Variants in MAP2K5 observed in about 807,000 individuals in gnomAD.
MAP2K5 encodes the protein mitogen-activated protein kinase kinase 5, also known as dual specificity mitogen-activated protein kinase kinase 5.
In MAP2K5, 49 loss-of-function variants were observed where a neutral mutation model predicts 83.1. The ratio of observed to expected loss-of-function variants is 0.59; its 90% CI spans 0.47 to 0.75. The LOEUF (loss-of-function observed/expected upper bound fraction) is 0.75, where lower values mean the gene tolerates loss of function less well. Among genes scored for constraint, MAP2K5 ranks in the 30% least tolerant of loss-of-function variants. The probability of loss-of-function intolerance (pLI) is 0.00; values close to 1 mark genes in which losing one functional copy is unlikely to be tolerated. For synonymous variants in MAP2K5, 202 were observed against 191.8 expected (o/e 1.05, Z -0.44); for missense variants, 457 against 557.5 (o/e 0.82, Z 1.82).
chr15:67,714,668 T>C (rs902594972), intron 16 of MAP2K5, among the ~76,000 whole-genome samples: 2 of 152,166 alleles, frequency 1.3e-5, no homozygotes, highest in Non-Finnish European at 1.5e-5. Flanking sequence ...TTTAAATATT[T>C]AGTTTCAAGA....
chr15:67,756,835 G>A (rs2089848640), intron 19 of MAP2K5, among the ~76,000 whole-genome samples: 1 of 152,002 alleles, frequency 6.6e-6, no homozygotes, highest in Non-Finnish European at 1.5e-5. Context: ...TCATCTGTCT[G>A]AACCTTCAGG....
Position 67,572,331 on chromosome 15 carries a change from C to G in MAP2K5, c.253-8423C>G, listed in dbSNP as rs1021007797. Among the ~76,000 whole-genome samples, 1 of 152,126 alleles carries G rather than the reference C, an allele frequency of 6.6e-6. No individual in the cohort carries two copies. The highest frequency in any genetic ancestry group is 2.4e-5 in the African/African-American group (1 of 41,436). ...GCCCAGGGAAGTGACATGATCATAT[C>G]TCATATTGTCAGAGGCATTTGAGCC... On this transcript the variant is annotated intron_variant, in intron 3 of 21. Transcript: ENST00000178640. The surrounding 1 kb of genome is among the most constrained non-coding windows in gnomAD (Gnocchi z 4.2).
intron 19 of MAP2K5, among the ~76,000 whole-genome samples, chr15:67,752,475 C>T (rs1038929962): frequency 2.6e-5 from 4 of 151,612 alleles, no homozygotes; most frequent in South Asian, 2.1e-4. Flanking sequence ...GTCAGGGGTT[C>T]GAGGCCAGCC....
At chr15:67,689,934 G>A (rs1201618837) in intron 13 of MAP2K5, among the ~76,000 whole-genome samples, 1 of 152,156 alleles carries the variant, frequency 6.6e-6, no homozygotes, top group Non-Finnish European at 1.5e-5. Flanking sequence ...TGCTCCACGG[G>A]CCACATGAGC....
intron 1 of MAP2K5, 48 bp from the exon 2 acceptor site, chr15:67,549,986 C>G (rs1361775957): frequency 5.0e-6 from 7 of 1,401,730 alleles, no homozygotes; most frequent in Non-Finnish European, 6.1e-6. Flanking sequence ...CACATGTTAG[C>G]AATAAAGAAG....
In MAP2K5 at chr15:67,757,113, C is replaced by T. The variant is rs2089854892; in HGVS notation, c.1134+8512C>T. On this transcript the variant is annotated intron_variant, in intron 19 of 21. Transcript: ENST00000178640. This position sits in a 1 kb window ranked among gnomAD's most constrained non-coding sequence, Gnocchi z 4.9. ...TTCTTTTTTTAGTTTTTTGAGGAACCTCCTCCATGCTGTTTTCCATAATGG... is the reference window on the plus strand; with the variant it reads ...TTCTTTTTTTAGTTTTTTGAGGAACTTCCTCCATGCTGTTTTCCATAATGG... 6.6e-6 allele frequency among the ~76,000 whole-genome samples: 1 copy of T among 151,516 alleles called. No homozygotes were observed. Among genetic ancestry groups the T allele is most frequent in the Non-Finnish European group, 1.5e-5 (1 of 67,922 alleles).
At chr15:67,740,198 T>C (rs1200938245) in intron 17 of MAP2K5, among the ~76,000 whole-genome samples, 1 of 152,208 alleles carries the variant, frequency 6.6e-6, no homozygotes, top group African/African-American at 2.4e-5. Context: ...ATCTTTTGGG[T>C]CCTAGAGTCT....
intron 3 of MAP2K5, among the ~76,000 whole-genome samples, chr15:67,579,157 C>T (rs995470558): frequency 5.3e-5 from 8 of 152,130 alleles, no homozygotes; most frequent in Admixed American, 4.6e-4. Flanking sequence ...CAAGGGGGTA[C>T]ATGCTGTGGA....
chr15:67,567,660 G>A (rs537620013), intron 3 of MAP2K5, among the ~76,000 whole-genome samples: 34 of 152,140 alleles, frequency 2.2e-4, no homozygotes, highest in African/African-American at 7.7e-4. Context: ...CACCGCGCCC[G>A]GCCTAAAGTA....
At chr15:67,799,869 C>G (rs1355912188) in intron 21 of MAP2K5, among the ~76,000 whole-genome samples, 1 of 152,124 alleles carries the variant, frequency 6.6e-6, no homozygotes, top group Non-Finnish European at 1.5e-5. Flanking sequence ...TAGGCGAGGC[C>G]CTAGTGGGAT....
At chr15:67,589,084 T>C (rs1047276603) in intron 6 of MAP2K5, among the ~76,000 whole-genome samples, 2 of 152,084 alleles carry the variant, frequency 1.3e-5, no homozygotes, top group African/African-American at 4.8e-5. Context: ...GCTCAAGCAA[T>C]TTTCTCACTT....
At position 67,786,442 on chromosome 15, in the gene MAP2K5, G is replaced by A. The variant is rs2090419168; in HGVS notation, c.1242+13690G>A. On this transcript the variant is annotated intron_variant, in intron 21 of 21. Transcript: ENST00000178640. The surrounding 1 kb of genome is among the most constrained non-coding windows in gnomAD (Gnocchi z 4.7). The stretch of plus-strand genomic sequence containing the variant: ...TAATCAACAAGTATTTGTTGTCCAG[G>A]TCTGTGAGGTGCCATGATGGGTTCA... Among the ~76,000 whole-genome samples the A allele has an allele frequency of 2.0e-5, 3 of 152,148 alleles. No homozygotes were observed. The South Asian group carries it at 6.2e-4, about 32-fold the overall frequency.
chr15:67,604,632 C>G (rs1037041236), intron 8 of MAP2K5, among the ~76,000 whole-genome samples: 1 of 151,986 alleles, frequency 6.6e-6, no homozygotes. Flanking sequence ...TGCGGTGGCT[C>G]ACGTCTGTAA....
intron 8 of MAP2K5, among the ~76,000 whole-genome samples, chr15:67,617,119 A>G (rs531808034): frequency 6.6e-6 from 1 of 152,314 alleles, no homozygotes; most frequent in African/African-American, 2.4e-5. Context: ...CCAAGAGGCA[A>G]AAAAGGGGTA....
At chr15:67,800,022 C>A (rs1478767108) in intron 21 of MAP2K5, among the ~76,000 whole-genome samples, 1 of 152,130 alleles carries the variant, frequency 6.6e-6, no homozygotes, top group East Asian at 1.9e-4. Context: ...CTTCCCTGGC[C>A]ATTCCTGTTG....
In MAP2K5 at chr15:67,637,563, C is replaced by G. The variant is rs2086628778; in HGVS notation, c.585+6636C>G. On this transcript the variant is annotated intron_variant, in intron 9 of 21. Coordinates refer to ENST00000178640, the MANE Select transcript of MAP2K5 (RefSeq NM_145160.3). The surrounding 1 kb of genome is among the most constrained non-coding windows in gnomAD (Gnocchi z 4.5). ...TTTCTTCTGAGCCTTTCTAGTGGTT[C>G]TCTCCCTGGCCTCAGGTGATCTCCT... Among the ~76,000 whole-genome samples, 2 of 152,094 alleles carry G rather than the reference C, an allele frequency of 1.3e-5. No individual in the cohort carries two copies. The highest frequency in any genetic ancestry group is 4.1e-4 in the South Asian group (2 of 4,822).
intron 17 of MAP2K5, among the ~76,000 whole-genome samples, chr15:67,743,050 G>T (rs1029896394): frequency 2.0e-5 from 3 of 152,234 alleles, no homozygotes; most frequent in African/African-American, 7.2e-5. Flanking sequence ...TGGCTGTGAT[G>T]ATTTTCTGTC....
chr15:67,804,095 G>A (rs1440798415), intron 21 of MAP2K5, among the ~76,000 whole-genome samples: 1 of 152,158 alleles, frequency 6.6e-6, no homozygotes, highest in Non-Finnish European at 1.5e-5. Context: ...CAGAGACGCT[G>A]CCAGGCTCTG....
At chr15:67,804,489 C>A (rs898860476) in intron 21 of MAP2K5, among the ~76,000 whole-genome samples, 34 of 152,238 alleles carry the variant, frequency 2.2e-4, no homozygotes, top group Middle Eastern at 3.2e-3. Flanking sequence ...TCCACCGGAG[C>A]TGAGTATGGC....
Sources: allele counts gnomAD v4.1 joint callset (sites outside exome capture counted in the v4.1 genomes callset), GRCh38; gene constraint gnomAD v4.1.1; non-coding constraint Gnocchi (gnomAD v3.1); transcripts MANE v1.5; gene names NCBI Gene and HGNC (gene_info 2026-07-23, HGNC 2026-07-21).